TANK: variants seen among roughly 807,000 people sequenced by gnomAD.
TANK encodes the protein TRAF family member associated NFKB activator.
TANK carries 15 observed loss-of-function variants against 43.6 expected under a neutral mutation model. The observed-to-expected ratio is 0.34, with a 90% CI of 0.23 to 0.53. TANK has a LOEUF of 0.53. Ranked by LOEUF, TANK falls within the 20% of genes least tolerant of loss-of-function variation. The pLI, the probability that TANK is intolerant of heterozygous loss-of-function variation, is 0.94. For missense variants in TANK, 417 were observed against 498.6 expected (o/e 0.84, Z 1.56); for synonymous variants, 162 against 178.2 (o/e 0.91, Z 0.73).
intron 1 of TANK, among the ~76,000 whole-genome samples, chr2:161,178,033 G>A (rs556391805): frequency 6.6e-6 from 1 of 152,208 alleles, no homozygotes; most frequent in Non-Finnish European, 1.5e-5. Flanking sequence ...TGGTGTGGAT[G>A]TGGAGAAATT....
At chr2:161,232,762 C>T (rs1250306009) in intron 7 of TANK, 3 of 1,550,096 alleles carry the variant, frequency 1.9e-6, no homozygotes, top group African/African-American at 1.4e-5. Flanking sequence ...GTAGATGGCA[C>T]CCTGCATTGT....
At chr2:161,203,963 A>G (rs1412493030) in intron 3 of TANK, among the ~76,000 whole-genome samples, 1 of 152,198 alleles carries the variant, frequency 6.6e-6, no homozygotes, top group East Asian at 1.9e-4. Flanking sequence ...GAGGATGTGT[A>G]TCACAGTATA....
chr2:161,166,799 AAAAAAAC>A (rs1684702098), intron 1 of TANK, among the ~76,000 whole-genome samples: 2 of 152,212 alleles, frequency 1.3e-5, no homozygotes, highest in East Asian at 1.9e-4. Context: ...CTGTCTCAAA[AAAAAAAC>A]AAAAAACAAA....
chr2:161,141,457 A>T (rs1558955585), intron 1 of TANK, among the ~76,000 whole-genome samples: 1 of 152,000 alleles, frequency 6.6e-6, no homozygotes, highest in Non-Finnish European at 1.5e-5. Context: ...TGCTGCATGC[A>T]TTAGCTATTT....
intron 1 of TANK, among the ~76,000 whole-genome samples, chr2:161,166,172 G>C (rs1005574463): frequency 9.9e-5 from 15 of 152,200 alleles, no homozygotes; most frequent in Non-Finnish European, 1.5e-5. Context: ...GTTGCATTTA[G>C]CCTTCCAGCT....
chr2:161,151,110 T>G (rs1178276538), intron 1 of TANK, among the ~76,000 whole-genome samples: 2 of 152,248 alleles, frequency 1.3e-5, no homozygotes, highest in Admixed American at 6.5e-5. Flanking sequence ...TATTAACTTC[T>G]AGTTTCATTC....
chr2:161,188,777 A>G (rs1685781654), intron 2 of TANK, among the ~76,000 whole-genome samples: 1 of 152,232 alleles, frequency 6.6e-6, no homozygotes, highest in Non-Finnish European at 1.5e-5. Flanking sequence ...TGTCGCCTCC[A>G]AAACTCATGT....
chr2:161,173,168 T>C, intron 1 of TANK, among the ~76,000 whole-genome samples: 1 of 152,160 alleles, frequency 6.6e-6, no homozygotes, highest in East Asian at 1.9e-4. Flanking sequence ...TCATGGTCTT[T>C]ATGTATGGTC....
chr2:161,148,428 C>G (rs764851226), intron 1 of TANK, among the ~76,000 whole-genome samples: 11 of 152,018 alleles, frequency 7.2e-5, no homozygotes, highest in Non-Finnish European at 1.5e-4. Flanking sequence ...AGATTCTAGC[C>G]CCTTATCAGA....
intron 1 of TANK, among the ~76,000 whole-genome samples, chr2:161,162,324 A>G (rs2105251863): frequency 6.6e-6 from 1 of 152,278 alleles, no homozygotes; most frequent in African/African-American, 2.4e-5. Context: ...ATAAAATTTA[A>G]CATAAACTGT....
chr2:161,203,510 A>G lies in TANK; in HGVS notation c.123A>G (p.Ile41Met), dbSNP rs377724793. ...AGACTGAGAACTATGAGCAGAGAATACGTGAACAACAGGAACAGCTGTCAC... is the reference window on the plus strand; with the variant it reads ...AGACTGAGAACTATGAGCAGAGAATGCGTGAACAACAGGAACAGCTGTCAC... Reference protein sequence around the residue: ...QQKTENYEQRIREQQEQLSLQ... With the variant: ...QQKTENYEQRMREQQEQLSLQ... The change falls in exon 3 of 8, where the codon ATA becomes ATG. Residue 41 changes from isoleucine (I) to methionine (M), a missense_variant. By Grantham distance (10) the Ile-to-Met change is conservative (BLOSUM62 1). Transcript: ENST00000392749. 75 of 1,611,886 alleles carry G rather than the reference A, an allele frequency of 4.7e-5. No homozygotes were observed. Among genetic ancestry groups the G allele is most frequent in the African/African-American group, 6.7e-5 (5 of 74,864 alleles).
intron 1 of TANK, chr2:161,161,945 T>A (rs1340549553): frequency 6.6e-6 from 1 of 152,246 alleles, no homozygotes; most frequent in Non-Finnish European, 1.5e-5. Flanking sequence ...TCTTAAAATC[T>A]TCTCCTATAT....
intron 6 of TANK, among the ~76,000 whole-genome samples, chr2:161,230,307 GC>G (rs1687845423): frequency 1.3e-5 from 2 of 152,156 alleles, no homozygotes; most frequent in African/African-American, 4.8e-5. Context: ...AGCTACAGAG[GC>G]CCTTTTGTCT....
intron 2 of TANK, chr2:161,200,915 A>G (rs1298498991): frequency 5.6e-6 from 1 of 178,740 alleles, no homozygotes; most frequent in Non-Finnish European, 1.1e-5. Flanking sequence ...CAAGTTAATT[A>G]GTTTGTTTAT....
intron 1 of TANK, among the ~76,000 whole-genome samples, chr2:161,154,839 G>A (rs1331650243): frequency 6.6e-6 from 1 of 151,432 alleles, no homozygotes; most frequent in Non-Finnish European, 1.5e-5. Context: ...CCGCCTCCCA[G>A]GTGCAAATGA....
chr2:161,204,592 G>C, intron 3 of TANK, 83 bp from the exon 4 acceptor site: 2 of 1,261,850 alleles, frequency 1.6e-6, no homozygotes, highest in Non-Finnish European at 2.2e-6. Context: ...TTATGGTTTT[G>C]AGTTTGTATT....
chr2:161,200,824 TAAGA>T (rs1459103217), intron 2 of TANK, among the ~76,000 whole-genome samples: 2 of 151,970 alleles, frequency 1.3e-5, no homozygotes, highest in Non-Finnish European at 2.9e-5. Flanking sequence ...GCAAGTTTAT[TAAGA>T]AAGTAAAGGA....
chr2:161,139,911 T>C lies in TANK; in HGVS notation c.-50+2848T>C, dbSNP rs531347076. The C allele has an allele frequency of 3.1e-6, 3 of 981,446 alleles. No homozygotes were observed. The East Asian group carries it at 3.4e-4, about 112-fold the overall frequency. 60.8% of individuals were successfully genotyped at this position (981,446 alleles called of 1,614,324 possible). On this transcript the variant is annotated intron_variant, in intron 1 of 7. Transcript: ENST00000259075. ...ACAACTGTGGTAAGCAAAATGTGTG[T>C]CCAAATTGATTAATCTTATATCCAA...
At chr2:161,219,151 A>T (rs913352807) in intron 4 of TANK, among the ~76,000 whole-genome samples, 6 of 152,250 alleles carry the variant, frequency 3.9e-5, no homozygotes, top group Admixed American at 3.3e-4. Context: ...TATTCATCTC[A>T]TTCTACAAAT....
Sources: gnomAD v4.1 joint callset for allele counts (sites outside exome capture counted in the v4.1 genomes callset) on GRCh38, gnomAD v4.1.1 for gene constraint, MANE v1.5 for transcripts, NCBI Gene and HGNC (gene_info 2026-07-23, HGNC 2026-07-21) for gene names.